Variants in ASB4 observed in about 807,000 individuals in gnomAD.
ASB4 encodes ankyrin repeat and SOCS box containing 4.
In ASB4, 35 loss-of-function variants were observed where a neutral mutation model predicts 38.6. That is an observed-to-expected ratio of 0.91 (90% CI 0.69 to 1.20). The LOEUF is 1.20. ASB4 is among the 50% of genes most tolerant of loss of function. The pLI, the probability that ASB4 is intolerant of heterozygous loss-of-function variation, is 0.00. For synonymous variants in ASB4, 195 were observed against 201.3 expected (o/e 0.97, Z 0.26); for missense variants, 557 against 527.2 (o/e 1.06, Z -0.55).
intron 2 of ASB4, among the ~76,000 whole-genome samples, chr7:95,526,167 C>A (rs1262504445): frequency 6.6e-6 from 1 of 152,080 alleles, no homozygotes; most frequent in East Asian, 1.9e-4. Flanking sequence ...TAAGGAATTT[C>A]GAAGCCAGTC....
intron 2 of ASB4, among the ~76,000 whole-genome samples, chr7:95,502,705 A>C (rs1790359030): frequency 6.6e-6 from 1 of 152,246 alleles, no homozygotes; most frequent in Non-Finnish European, 1.5e-5. Context: ...TTTCAGAATA[A>C]TGCAGTTAGA....
chr7:95,522,754 C>T (rs1209575947), intron 2 of ASB4, among the ~76,000 whole-genome samples: 1 of 152,200 alleles, frequency 6.6e-6, no homozygotes, highest in Non-Finnish European at 1.5e-5. Flanking sequence ...CTGTCCTGTT[C>T]ATCCCATTCT....
At chr7:95,473,066 C>T in the ASB4 span, among the ~76,000 whole-genome samples, 3 of 152,158 alleles carry the variant, frequency 2.0e-5, no homozygotes, top group African/African-American at 7.2e-5. Context: ...TCTGAAGGGA[C>T]GGGCAGTGAG....
chr7:95,493,361 AGTGTGTGTGT>A (rs199528876), intron 1 of ASB4, among the ~76,000 whole-genome samples: 54 of 120,828 alleles, frequency 4.5e-4, no homozygotes, highest in African/African-American at 1.3e-3. Context: ...AAGAGATGAA[AGTGTGTGTGT>A]GTGTGTGTGT....
chr7:95,518,242 A>G (rs1453481638), intron 2 of ASB4, among the ~76,000 whole-genome samples: 3 of 152,260 alleles, frequency 2.0e-5, no homozygotes, highest in South Asian at 2.1e-4. Context: ...CAGCAGGCAT[A>G]TGACTCTTCT....
upstream of ASB4, among the ~76,000 whole-genome samples, chr7:95,477,754 A>G (rs536404986): frequency 7.1e-6 from 1 of 141,668 alleles, no homozygotes; most frequent in East Asian, 2.0e-4. Context: ...TTTTTTTGCT[A>G]TAATTCTGTG....
intron 1 of ASB4, among the ~76,000 whole-genome samples, chr7:95,486,570 A>G (rs1361149907): frequency 6.6e-6 from 1 of 152,226 alleles, no homozygotes; most frequent in East Asian, 1.9e-4. Context: ...ACAGCTACTT[A>G]AAGATATATC....
chr7:95,511,642 AC>A (rs758334435), intron 2 of ASB4, among the ~76,000 whole-genome samples: 3 of 151,816 alleles, frequency 2.0e-5, no homozygotes, highest in Non-Finnish European at 4.4e-5. Flanking sequence ...AGCCTGGGCA[AC>A]AAGAGCAAAA....
At chr7:95,482,916 C>G (rs1017042302), upstream of ASB4, among the ~76,000 whole-genome samples, 1 of 152,144 alleles carries the variant, frequency 6.6e-6, no homozygotes, top group Non-Finnish European at 1.5e-5. Flanking sequence ...AGTTCGAGGA[C>G]ACTGAGGTTA....
rs2301681 is a variant in ASB4 at position 95,495,658 on chromosome 7, T to A, written c.188-100T>A. On this transcript the variant is annotated intron_variant, in intron 1 of 4. Transcript: ENST00000325885. ...CCCCTCTCCACCCCACTTTTATAAA[T>A]GTGGCCAAAATAAAATACTTGTAAA... 6 of 1,239,318 alleles carry A rather than the reference T, an allele frequency of 4.8e-6. No individual in the cohort carries two copies. In the African/African-American group the frequency reaches 6.1e-5, roughly 13 times the overall value. The allele number at this position is 1,239,318 out of a possible 1,614,324, so 76.8% of individuals were successfully genotyped here. A position where few individuals can be genotyped will look rare whatever the true frequency, so the allele number is the denominator to read the frequency against.
intron 2 of ASB4, among the ~76,000 whole-genome samples, chr7:95,510,248 C>T (rs1790461822): frequency 6.6e-6 from 1 of 152,098 alleles, no homozygotes; most frequent in South Asian, 2.1e-4. Context: ...CCCATTCTGT[C>T]GTTTTCTAAC....
At chr7:95,541,679 G>T (rs979438753), downstream of ASB4, among the ~76,000 whole-genome samples, 2 of 152,224 alleles carry the variant, frequency 1.3e-5, 1 homozygote, top group South Asian at 4.1e-4. Context: ...TAAAATAGAC[G>T]CAATGATCTA....
At chr7:95,544,353 T>C (rs954153960), downstream of ASB4, 3 of 152,196 alleles carry the variant, frequency 2.0e-5, no homozygotes, top group South Asian at 4.1e-4. Flanking sequence ...GGACTCCAAA[T>C]ACTGCTGAAG....
chr7:95,544,124 A>C (rs1031649070), downstream of ASB4: 4 of 152,286 alleles, frequency 2.6e-5, no homozygotes, highest in African/African-American at 9.6e-5. Context: ...TGGAGCAACA[A>C]AGGGGATGAT....
chr7:95,549,911 C>T, the ASB4 span, among the ~76,000 whole-genome samples: 13 of 152,148 alleles, frequency 8.5e-5, no homozygotes, highest in African/African-American at 3.1e-4. Context: ...GTCACTAGCT[C>T]CAAGATGGCA....
intron 2 of ASB4, among the ~76,000 whole-genome samples, chr7:95,508,961 A>G (rs1585805998): frequency 6.6e-6 from 1 of 152,204 alleles, no homozygotes; most frequent in Non-Finnish European, 1.5e-5. Flanking sequence ...TAAATTTCAG[A>G]TAACGACTCA....
intron 2 of ASB4, among the ~76,000 whole-genome samples, chr7:95,503,246 C>T (rs1220987041): frequency 6.6e-6 from 1 of 152,088 alleles, no homozygotes; most frequent in Non-Finnish European, 1.5e-5. Flanking sequence ...GAAAACAAAC[C>T]TGTGAATCAG....
chr7:95,482,183 T>C (rs1267635349), upstream of ASB4, among the ~76,000 whole-genome samples: 1 of 152,256 alleles, frequency 6.6e-6, no homozygotes, highest in Admixed American at 6.5e-5. Context: ...CAGAATTATA[T>C]AGATAACATT....
chr7:95,535,180 G>C (rs1790873424), intron 3 of ASB4, among the ~76,000 whole-genome samples: 1 of 152,186 alleles, frequency 6.6e-6, no homozygotes, highest in South Asian at 2.1e-4. Context: ...ACCCTACACT[G>C]AAAAAGGCAA....
Sources: allele counts gnomAD v4.1 joint callset (sites outside exome capture counted in the v4.1 genomes callset), GRCh38; gene constraint gnomAD v4.1.1; transcripts MANE v1.5; gene names NCBI Gene and HGNC (gene_info 2026-07-23, HGNC 2026-07-21).